Variants in MINDY4 observed in about 807,000 individuals in gnomAD.
MINDY4 encodes MINDY lysine 48 deubiquitinase 4.
A neutral mutation model predicts 87.0 loss-of-function variants in MINDY4; 68 were observed. The ratio of observed to expected loss-of-function variants is 0.78; its 90% CI spans 0.64 to 0.96. The LOEUF (loss-of-function observed/expected upper bound fraction) is 0.96. MINDY4 is among the 40% of genes least tolerant of loss of function. The probability of loss-of-function intolerance (pLI) is 0.00; values close to 1 mark genes in which losing one functional copy is unlikely to be tolerated. For missense variants in MINDY4, 919 were observed against 928.2 expected, an observed-to-expected ratio of 0.99 and a Z score of 0.13; for synonymous variants, 379 against 363.2, an observed-to-expected ratio of 1.04 and a Z score of -0.50.
intron 5 of MINDY4, among the ~76,000 whole-genome samples, chr7:30,806,748 C>T (rs192694091): frequency 6.6e-6 from 1 of 152,296 alleles, no homozygotes; most frequent in Non-Finnish European, 1.5e-5. Context: ...TTATTGAAGG[C>T]TAGGGGAAGG....
chr7:30,824,548 AAC>A (rs1270743365), intron 5 of MINDY4, among the ~76,000 whole-genome samples: 1 of 152,150 alleles, frequency 6.6e-6, no homozygotes, highest in East Asian at 1.9e-4. Context: ...TCTAGTAACA[AAC>A]ACAGAGGAAT....
At chr7:30,813,847 C>A (rs575107822) in intron 5 of MINDY4, among the ~76,000 whole-genome samples, 1 of 152,310 alleles carries the variant, frequency 6.6e-6, no homozygotes, top group South Asian at 2.1e-4. Flanking sequence ...GCCCAGAAAA[C>A]AGTCATTTCT....
At chr7:30,846,733 T>C (rs1008426703) in intron 9 of MINDY4, among the ~76,000 whole-genome samples, 2 of 152,034 alleles carry the variant, frequency 1.3e-5, no homozygotes, top group Non-Finnish European at 2.9e-5. Flanking sequence ...GGGACTGGTT[T>C]TGTGGAAGAC....
intron 5 of MINDY4, among the ~76,000 whole-genome samples, chr7:30,793,710 G>C (rs1787392316): frequency 6.6e-6 from 1 of 152,172 alleles, no homozygotes; most frequent in South Asian, 2.1e-4. Context: ...TACATGGTGG[G>C]GAGGGGCTGC....
chr7:30,810,049 G>T (rs958905722), intron 5 of MINDY4, among the ~76,000 whole-genome samples: 2 of 151,754 alleles, frequency 1.3e-5, no homozygotes, highest in Non-Finnish European at 2.9e-5. Context: ...GGTGGTGCCT[G>T]CCTGTAGTCC....
intron 3 of MINDY4, among the ~76,000 whole-genome samples, chr7:30,783,739 A>G (rs1787071799): frequency 1.3e-5 from 2 of 152,210 alleles, no homozygotes; most frequent in African/African-American, 4.8e-5. Context: ...GATGAAGAGT[A>G]GTTACAATTC....
chr7:30,794,610 C>T (rs1368627472), intron 5 of MINDY4, among the ~76,000 whole-genome samples: 1 of 152,198 alleles, frequency 6.6e-6, no homozygotes, highest in Admixed American at 6.5e-5. Context: ...TCAGATCTGA[C>T]TCCGGGAGCT....
chr7:30,870,595 A>G (rs941295735), intron 13 of MINDY4, among the ~76,000 whole-genome samples: 1 of 152,238 alleles, frequency 6.6e-6, no homozygotes, highest in Non-Finnish European at 1.5e-5. Context: ...GTGTTTGGCC[A>G]TGGTTATTAA....
intron 15 of MINDY4, among the ~76,000 whole-genome samples, chr7:30,880,302 AC>A (rs113190113): frequency 0.14 from 10,267 of 72,176 alleles, 512 homozygotes; most frequent in African/African-American, 0.29. Context: ...CCTCCCCCGC[AC>A]CCCCCCCCAC....
At chr7:30,782,344 G>A (rs1584231352) in intron 3 of MINDY4, 132 bp downstream of exon 3, 1 of 72,632 alleles carries the variant, frequency 1.4e-5, no homozygotes, top group East Asian at 1.0e-4. Flanking sequence ...GTGTATGTTT[G>A]TGTGTGTGTG....
At chr7:30,772,260 G>A (rs1254641311) in intron 1 of MINDY4, among the ~76,000 whole-genome samples, 1 of 152,172 alleles carries the variant, frequency 6.6e-6, no homozygotes, top group Non-Finnish European at 1.5e-5. Flanking sequence ...GCTGCACTCT[G>A]TGTGTTTTGT....
At chr7:30,816,286 T>G (rs1163758474) in intron 5 of MINDY4, among the ~76,000 whole-genome samples, 4 of 145,432 alleles carry the variant, frequency 2.8e-5, no homozygotes, top group Non-Finnish European at 5.9e-5. Flanking sequence ...AGAAAACTTC[T>G]GAGTCTGAGA....
chr7:30,837,789 C>A (rs2128566398), intron 7 of MINDY4, among the ~76,000 whole-genome samples: 1 of 152,318 alleles, frequency 6.6e-6, no homozygotes, highest in Non-Finnish European at 1.5e-5. Context: ...GGGCACGTGG[C>A]CTCTGGAAAG....
Position 30,839,159 on chromosome 7 carries a change from G to A in MINDY4, c.1240-41G>A, listed in dbSNP as rs911131410. 3 of 1,374,480 alleles carry A rather than the reference G, an allele frequency of 2.2e-6. No homozygotes were observed. In the African/African-American group the frequency reaches 4.4e-5, roughly 20 times the overall value. 85.1% of individuals were successfully genotyped at this position (1,374,480 alleles called of 1,614,324 possible). Reference sequence around the variant, plus strand: ...CACACTGAACATCGTATTGTTGCTTGCTTTTAAAACAACCAGTAAAACTCT... The same window carrying A: ...CACACTGAACATCGTATTGTTGCTTACTTTTAAAACAACCAGTAAAACTCT... On this transcript the variant is annotated intron_variant, in intron 7 of 17. Coordinates refer to ENST00000265299, the MANE Select transcript of MINDY4 (RefSeq NM_032222.3).
intron 5 of MINDY4, among the ~76,000 whole-genome samples, chr7:30,802,307 C>T (rs1787678488): frequency 6.6e-6 from 1 of 151,818 alleles, no homozygotes; most frequent in African/African-American, 2.4e-5. Context: ...CAGCTGCAGG[C>T]TGGACACCTG....
chr7:30,884,776 C>G (rs1790579536), intron 17 of MINDY4, among the ~76,000 whole-genome samples: 2 of 152,212 alleles, frequency 1.3e-5, no homozygotes. Context: ...CAGGATTGGA[C>G]TTCTTGGGCT....
intron 13 of MINDY4, among the ~76,000 whole-genome samples, chr7:30,866,203 G>A (rs369232784): frequency 1.1e-4 from 17 of 152,338 alleles, no homozygotes; most frequent in Non-Finnish European, 2.4e-4. Flanking sequence ...CAAGACCCTC[G>A]GTCCTGTGTG....
chr7:30,874,413 C>A (rs189848703), intron 14 of MINDY4, among the ~76,000 whole-genome samples: 2 of 152,314 alleles, frequency 1.3e-5, no homozygotes, highest in East Asian at 3.9e-4. Context: ...GCTTGAGTAA[C>A]CCACCTGTGA....
chr7:30,889,643 C>T (rs556512359), intron 17 of MINDY4, among the ~76,000 whole-genome samples: 5,547 of 152,288 alleles, frequency 0.036, 316 homozygotes, highest in African/African-American at 0.13. Flanking sequence ...ACCCAATAGA[C>T]TCCTCTGGAT....
Sources: allele counts gnomAD v4.1 joint callset (sites outside exome capture counted in the v4.1 genomes callset), GRCh38; gene constraint gnomAD v4.1.1; transcripts MANE v1.5; gene names NCBI Gene and HGNC (gene_info 2026-07-23, HGNC 2026-07-21).